NLRC4: variants seen among roughly 807,000 people sequenced by gnomAD.
NLRC4 encodes NLR family CARD domain-containing protein 4.
NLRC4 carries 63 observed loss-of-function variants against 79.9 expected under a neutral mutation model. The ratio of observed to expected loss-of-function variants is 0.79; its 90% confidence interval spans 0.64 to 0.97. The LOEUF is 0.97. Among genes scored for constraint, NLRC4 ranks in the 50% least tolerant of loss-of-function variants. The pLI is 0.00. For missense variants in NLRC4, 1,074 were observed against 1,215.2 expected, an observed-to-expected ratio of 0.88 and a Z score of 1.73; for synonymous variants, 461 against 456.5, an observed-to-expected ratio of 1.01 and a Z score of -0.12.
rs971672031 is a variant in NLRC4 at position 32,253,816 on chromosome 2, T to A, written c.2-1137A>T. On this transcript the variant is annotated intron_variant, in intron 2 of 8. Coordinates refer to ENST00000402280, the MANE Select transcript of NLRC4 (RefSeq NM_001199138.2). ...CTTGTCTCTACTAAAAATGCAAAAT[T>A]AGCCAGGTGTGGTGGTGCATGCCTG... 5.3e-5 allele frequency among the ~76,000 whole-genome samples: 8 copies of A among 150,424 alleles called. No homozygotes were observed. The East Asian group carries it at 1.6e-3, about 29-fold the overall frequency.
At chr2:32,241,368 CCTT>C in intron 4 of NLRC4, among the ~76,000 whole-genome samples, 1 of 126,342 alleles carries the variant, frequency 7.9e-6, no homozygotes, top group Non-Finnish European at 1.6e-5. Flanking sequence ...AAAAAAATTT[CCTT>C]TTTTTTTTTT....
intron 5 of NLRC4, among the ~76,000 whole-genome samples, chr2:32,238,711 G>A (rs893295346): frequency 6.6e-6 from 1 of 152,074 alleles, no homozygotes; most frequent in Non-Finnish European, 1.5e-5. Context: ...GCTCCTTGGA[G>A]TGCTTCTAGT....
At chr2:32,226,158 C>T (rs1158877158) in intron 8 of NLRC4, among the ~76,000 whole-genome samples, 2 of 152,118 alleles carry the variant, frequency 1.3e-5, no homozygotes, top group South Asian at 2.1e-4. Context: ...ACAGTCTTGT[C>T]CGACCAGCTT....
intron 8 of NLRC4, among the ~76,000 whole-genome samples, chr2:32,234,440 T>C (rs1686626722): frequency 6.6e-6 from 1 of 152,110 alleles, no homozygotes; most frequent in Admixed American, 6.5e-5. Flanking sequence ...TTACGTAAAC[T>C]AAACACATTT....
At chr2:32,241,665 A>C (rs1044915939) in intron 4 of NLRC4, among the ~76,000 whole-genome samples, 1 of 152,218 alleles carries the variant, frequency 6.6e-6, no homozygotes. Context: ...GGCGTGAGCC[A>C]CTGCGCCTGG....
At chr2:32,239,452 GGTT>G (rs1388690332) in intron 5 of NLRC4, among the ~76,000 whole-genome samples, 1 of 152,134 alleles carries the variant, frequency 6.6e-6, no homozygotes, top group African/African-American at 2.4e-5. Context: ...ACCGGTTAAA[GGTT>G]GTGAGCATGA....
At chr2:32,259,003 T>C (rs1416686041) in intron 1 of NLRC4, among the ~76,000 whole-genome samples, 3 of 151,998 alleles carry the variant, frequency 2.0e-5, no homozygotes, top group Non-Finnish European at 4.4e-5. Context: ...AGAAACAAAA[T>C]GGGAGCTATG....
chr2:32,265,355 A>C (rs1178884443), upstream of NLRC4, among the ~76,000 whole-genome samples: 7 of 151,990 alleles, frequency 4.6e-5, no homozygotes, highest in South Asian at 1.0e-3. Context: ...TAATTTTTGT[A>C]TTTTTAGTAG....
intron 5 of NLRC4, among the ~76,000 whole-genome samples, chr2:32,240,401 CAAAAAAA>C (rs36105309): frequency 8.5e-5 from 10 of 118,182 alleles, no homozygotes; most frequent in African/African-American, 2.8e-4. Context: ...AAAAAAGAGC[CAAAAAAA>C]AAAAAAAAAA....
At chr2:32,243,435 T>G (rs1686852614) in intron 4 of NLRC4, among the ~76,000 whole-genome samples, 1 of 151,412 alleles carries the variant, frequency 6.6e-6, no homozygotes, top group African/African-American at 2.4e-5. Context: ...AAATTAAACT[T>G]TAGACCAATA....
chr2:32,228,014 A>C (rs1444741602), intron 8 of NLRC4, among the ~76,000 whole-genome samples: 1 of 152,234 alleles, frequency 6.6e-6, no homozygotes, highest in Non-Finnish European at 1.5e-5. Context: ...CACCTGAACG[A>C]GTACCAGAGT....
At chr2:32,233,684 A>G (rs1275365648) in intron 8 of NLRC4, among the ~76,000 whole-genome samples, 1 of 152,078 alleles carries the variant, frequency 6.6e-6, no homozygotes, top group East Asian at 1.9e-4. Context: ...GGGATTTTTT[A>G]AGACTTATTT....
intron 1 of NLRC4, among the ~76,000 whole-genome samples, chr2:32,258,840 T>G (rs1024535877): frequency 3.3e-5 from 5 of 152,160 alleles, no homozygotes; most frequent in African/African-American, 9.7e-5. Flanking sequence ...CTGCTCTGTG[T>G]GCATTCCCAA....
Position 32,224,695 on chromosome 2 carries a change from A to G in NLRC4, c.2853T>C (p.Ser951=), listed in dbSNP as rs1686326445. The G allele has an allele frequency of 1.2e-6, 2 of 1,610,074 alleles. No individual in the cohort carries two copies. The highest frequency in any genetic ancestry group is 4.5e-5 in the East Asian group (2 of 44,782). Residue 951 remains serine (S), a synonymous_variant, in exon 9 of 9, where the codon AGT becomes AGC. Transcript: ENST00000402280. ...CACCCATGAAGGCAAGCCATCCATC[A>G]CTGCTCACACGATTTCCCGCCAAAT... ...QLNLAGNRVS[S]DGWLAFMGVF...
At chr2:32,261,965 C>G (rs373883155) in intron 1 of NLRC4, among the ~76,000 whole-genome samples, 90 of 151,980 alleles carry the variant, frequency 5.9e-4, no homozygotes, top group African/African-American at 2.1e-3. Flanking sequence ...CCTGTACTCC[C>G]AGCTACTCGG....
At chr2:32,242,680 A>G (rs971292753) in intron 4 of NLRC4, among the ~76,000 whole-genome samples, 1 of 152,232 alleles carries the variant, frequency 6.6e-6, no homozygotes, top group Non-Finnish European at 1.5e-5. Flanking sequence ...AAATAGAAGT[A>G]CAAAGAATAA....
chr2:32,235,135 C>T (rs1686642329), intron 8 of NLRC4, among the ~76,000 whole-genome samples: 1 of 152,060 alleles, frequency 6.6e-6, no homozygotes. Context: ...AAAGTTAAGG[C>T]TAGTAAGAGC....
chr2:32,235,307 CAAAAT>C (rs1194701727), intron 8 of NLRC4, 89 bp downstream of exon 8: 4 of 861,958 alleles, frequency 4.6e-6, no homozygotes, highest in East Asian at 2.4e-5. Flanking sequence ...AAAGAGGAAG[CAAAAT>C]AAAATAAGGG....
chr2:32,229,326 T>A (rs879902419), intron 8 of NLRC4, among the ~76,000 whole-genome samples: 6 of 152,096 alleles, frequency 3.9e-5, no homozygotes, highest in Admixed American at 3.9e-4. Flanking sequence ...ATACTTATAG[T>A]GGCGGCATGG....
Sources: gnomAD v4.1 joint callset for allele counts (sites outside exome capture counted in the v4.1 genomes callset) on GRCh38, gnomAD v4.1.1 for gene constraint, MANE v1.5 for transcripts, NCBI Gene and HGNC (gene_info 2026-07-23, HGNC 2026-07-21) for gene names.